Variants in BCL2 observed in about 807,000 individuals in gnomAD.
BCL2 encodes the protein BCL2 apoptosis regulator.
A neutral mutation model predicts 14.2 loss-of-function variants in BCL2; 1 was observed. That is an observed-to-expected ratio of 0.07 (90% CI 0.02 to 0.33). The LOEUF is 0.33. Among genes scored for constraint, BCL2 ranks in the 10% least tolerant of loss-of-function variants. The probability of loss-of-function intolerance (pLI) is 0.99; values close to 1 mark genes in which losing one functional copy is unlikely to be tolerated. For missense variants in BCL2, 247 were observed against 305.9 expected, an observed-to-expected ratio of 0.81 and a Z score of 1.44; for synonymous variants, 151 against 137.2, an observed-to-expected ratio of 1.10 and a Z score of -0.70.
chr18:63,254,956 T>C (rs1911427990), intron 2 of BCL2, among the ~76,000 whole-genome samples: 1 of 152,206 alleles, frequency 6.6e-6, no homozygotes, highest in Admixed American at 6.5e-5. Flanking sequence ...AATGCAAAGC[T>C]GCAAAACATG....
At chr18:63,288,533 TCAGTAGG>T (rs1462119962) in intron 2 of BCL2, among the ~76,000 whole-genome samples, 1 of 152,170 alleles carries the variant, frequency 6.6e-6, no homozygotes, top group African/African-American at 2.4e-5. Context: ...TTGCTATTAG[TCAGTAGG>T]CACAGCCTAG....
Position 63,308,875 on chromosome 18 carries a change from A to C in BCL2, c.585+9207T>G, listed in dbSNP as rs1913221957. On this transcript the variant is annotated intron_variant, in intron 2 of 2. Coordinates refer to ENST00000333681, the MANE Select transcript of BCL2 (RefSeq NM_000633.3). ...CATTTTATTCATTCATTCAATAAAC[A>C]GTCATTGTGTGTGCCTATTACCTAC... 3.3e-5 allele frequency among the ~76,000 whole-genome samples: 5 copies of C among 152,296 alleles called. No individual in the cohort carries two copies. In the South Asian group the frequency reaches 1.0e-3, roughly 32 times the overall value.
intron 2 of BCL2, among the ~76,000 whole-genome samples, chr18:63,193,878 T>C (rs1909366129): frequency 6.6e-6 from 1 of 152,164 alleles, no homozygotes; most frequent in Non-Finnish European, 1.5e-5. Context: ...AAGCAAGATA[T>C]ATTATATTCC....
At chr18:63,165,262 A>G (rs1390749431) in intron 2 of BCL2, among the ~76,000 whole-genome samples, 1 of 152,186 alleles carries the variant, frequency 6.6e-6, no homozygotes, top group East Asian at 1.9e-4. Context: ...ACAGGAGCTC[A>G]GGGCTGACAA....
At chr18:63,204,462 A>G (rs903375056) in intron 2 of BCL2, among the ~76,000 whole-genome samples, 1 of 152,204 alleles carries the variant, frequency 6.6e-6, no homozygotes, top group African/African-American at 2.4e-5. Flanking sequence ...TACTCAAGGC[A>G]CATATTCCAA....
intron 2 of BCL2, 38 bp from the exon 3 acceptor site, chr18:63,128,797 T>C (rs1466127286): frequency 1.3e-6 from 1 of 756,810 alleles, no homozygotes; most frequent in South Asian, 1.4e-5. Context: ...AAAGAAAGAG[T>C]ATTAGAGAGA....
intron 2 of BCL2, among the ~76,000 whole-genome samples, chr18:63,218,660 C>T (rs866236756): frequency 8.0e-4 from 2 of 2,496 alleles, no homozygotes; most frequent in Non-Finnish European, 1.1e-3. Flanking sequence ...CACTCATCCC[C>T]ATCCTCCAGT....
intron 2 of BCL2, among the ~76,000 whole-genome samples, chr18:63,182,559 G>A (rs1915503480): frequency 1.3e-5 from 2 of 152,208 alleles, no homozygotes; most frequent in African/African-American, 4.8e-5. Context: ...GATGTCCACA[G>A]GGTGGGTGAC....
At chr18:63,216,987 C>T (rs1370839638) in intron 2 of BCL2, among the ~76,000 whole-genome samples, 1 of 152,180 alleles carries the variant, frequency 6.6e-6, no homozygotes, top group Non-Finnish European at 1.5e-5. Context: ...TTGAAGAAGG[C>T]GGCAGCAGGA....
intron 2 of BCL2, among the ~76,000 whole-genome samples, chr18:63,298,271 T>C (rs772072084): frequency 1.3e-5 from 2 of 152,216 alleles, no homozygotes; most frequent in Non-Finnish European, 2.9e-5. Context: ...AGCTCAGTCG[T>C]GGTTGTAATG....
chr18:63,242,042 C>A (rs1468651898), intron 2 of BCL2, among the ~76,000 whole-genome samples: 3 of 152,160 alleles, frequency 2.0e-5, no homozygotes, highest in African/African-American at 7.2e-5. Flanking sequence ...ATGGGTGACT[C>A]CAAGGTGTAG....
At chr18:63,262,836 T>C (rs1217696613) in intron 2 of BCL2, among the ~76,000 whole-genome samples, 1 of 152,154 alleles carries the variant, frequency 6.6e-6, no homozygotes. Context: ...ATAAAGAACT[T>C]ACATCAACAA....
At chr18:63,228,452 C>G (rs1017491219) in intron 2 of BCL2, among the ~76,000 whole-genome samples, 3 of 152,164 alleles carry the variant, frequency 2.0e-5, no homozygotes, top group African/African-American at 7.2e-5. Flanking sequence ...ATCTACCTCA[C>G]CTTGCCTTAT....
At position 63,318,381 on chromosome 18, in the gene BCL2, T is replaced by C. The variant is rs752942153; in HGVS notation, c.286A>G (p.Thr96Ala). Residue 96 changes from threonine (T) to alanine (A), a missense_variant, in exon 2 of 3, where the codon ACC becomes GCC. By Grantham distance (58) the Thr-to-Ala change is moderately conservative. Around this residue, in one of 3 missense-constraint regions of BCL2, gnomAD observed 67 missense variants for 145.7 expected, o/e 0.46. Transcript: ENST00000333681. The surrounding 1 kb of genome is among the most constrained non-coding windows in gnomAD (Gnocchi z 7.4). ...LSPVPPVVHL[T>A]LRQAGDDFSR... ...AAGTCGTCGCCGGCCTGGCGGAGGG[T>C]CAGGTGGACCACAGGTGGCACCGGG... 6.3e-7 allele frequency: 1 copy of C among 1,592,036 alleles called. No homozygotes were observed. The highest frequency in any genetic ancestry group is 2.2e-5 in the East Asian group (1 of 44,716).
intron 2 of BCL2, among the ~76,000 whole-genome samples, chr18:63,174,921 A>T (rs1283464751): frequency 6.6e-6 from 1 of 152,190 alleles, no homozygotes; most frequent in East Asian, 1.9e-4. Flanking sequence ...TTCCATTAAG[A>T]ACTATATAGC....
intron 2 of BCL2, among the ~76,000 whole-genome samples, chr18:63,156,823 C>T (rs552162606): frequency 2.6e-5 from 4 of 152,308 alleles, no homozygotes; most frequent in African/African-American, 7.2e-5. Context: ...CCCCAATTTC[C>T]TGGGCAGCCA....
chr18:63,205,132 A>G (rs1279878700), intron 2 of BCL2, among the ~76,000 whole-genome samples: 3 of 152,244 alleles, frequency 2.0e-5, no homozygotes, highest in African/African-American at 7.2e-5. Flanking sequence ...TAAGGCTAAT[A>G]CAAGATAGAA....
intron 2 of BCL2, among the ~76,000 whole-genome samples, chr18:63,185,559 T>C (rs1915575794): frequency 6.6e-6 from 1 of 152,254 alleles, no homozygotes; most frequent in African/African-American, 2.4e-5. Context: ...ATGTTTATTA[T>C]CCTTTGCATC....
intron 2 of BCL2, chr18:63,207,988 A>G (rs1909888218): frequency 6.6e-6 from 1 of 152,236 alleles, no homozygotes; most frequent in Non-Finnish European, 1.5e-5. Flanking sequence ...AGGGACACTC[A>G]ACAAGAAGAA....
Sources: allele counts gnomAD v4.1 joint callset (sites outside exome capture counted in the v4.1 genomes callset), GRCh38; gene constraint gnomAD v4.1.1; regional missense constraint gnomAD v4.1.1; non-coding constraint Gnocchi (gnomAD v3.1); transcripts MANE v1.5; gene names NCBI Gene and HGNC (gene_info 2026-07-23, HGNC 2026-07-21).